The following FLT4 variants were observed in gnomAD, a reference collection of about 807,000 sequenced individuals.
The protein encoded by FLT4 is vascular endothelial growth factor receptor 3.
A neutral mutation model predicts 163.2 loss-of-function variants in FLT4; 30 were observed. The observed-to-expected ratio is 0.18, with a 90% CI of 0.14 to 0.25. FLT4 has a LOEUF of 0.25. Among genes scored for constraint, FLT4 ranks in the 10% least tolerant of loss-of-function variants. The pLI is 1.00. For missense variants in FLT4, 1,510 were observed against 1,863.8 expected, an observed-to-expected ratio of 0.81 and a Z score of 3.50; for synonymous variants, 884 against 789.5, an observed-to-expected ratio of 1.12 and a Z score of -2.01.
chr5:180,616,445 T>C lies in FLT4; in HGVS notation c.3141A>G (p.Glu1047=). 6.2e-7 allele frequency: 1 copy of C among 1,613,966 alleles called. No homozygotes were observed. The highest frequency in any genetic ancestry group is 8.5e-7 in the Non-Finnish European group (1 of 1,179,996). ...AGTCACAGATCTTCACCACGTCGCTTTCCGACAGCAGAATGTTCCGAGCAG... is the reference window on the plus strand; with the variant it reads ...AGTCACAGATCTTCACCACGTCGCTCTCCGACAGCAGAATGTTCCGAGCAG... The part of the protein sequence containing the change: ...DLAARNILLS[E]SDVVKICDFG... The change falls in exon 23 of 30, where the codon GAA becomes GAG. Residue 1047 remains glutamate, a synonymous_variant. Coordinates refer to ENST00000261937, the MANE Select transcript of FLT4 (RefSeq NM_182925.5).
intron 2 of FLT4, among the ~76,000 whole-genome samples, chr5:180,631,079 C>T (rs1390824862): frequency 6.6e-6 from 1 of 152,048 alleles, no homozygotes; most frequent in African/African-American, 2.4e-5. Flanking sequence ...GTGGGTGCTC[C>T]CAGGGTGGCT....
chr5:180,648,767 G>A (rs1211855454), intron 1 of FLT4, among the ~76,000 whole-genome samples: 1 of 152,188 alleles, frequency 6.6e-6, no homozygotes, highest in African/African-American at 2.4e-5. Flanking sequence ...TCCTGTGCAG[G>A]GGACCCTCCC....
In FLT4 at chr5:180,629,591, G is replaced by C. The variant is rs916722130; in HGVS notation, c.816+105C>G. On this transcript the variant is annotated intron_variant, in intron 6 of 29. Transcript: ENST00000261937. ...CTTGCCACTCAGACCGGGGCCCCTG[G>C]GGCAGGCCTGGGCCCACACATCCTC... is the stretch of plus-strand genomic sequence containing the variant. 59 of 1,479,486 alleles carry C rather than the reference G, an allele frequency of 4.0e-5. 1 individual carries two copies. Among genetic ancestry groups the C allele is most frequent in the Non-Finnish European group, 5.3e-5 (57 of 1,083,084 alleles). 91.6% of individuals were successfully genotyped at this position (1,479,486 alleles called of 1,614,324 possible).
At position 180,621,470 on chromosome 5, in the gene FLT4, C is replaced by G. The variant is rs377542666; in HGVS notation, c.2020+72G>C. Reference sequence around the variant, plus strand: ...GAATAGACCTCCCAGGGGCGAGCCACGCCGGGGCAAAGGCAGAGGCAGCTA... The same window carrying G: ...GAATAGACCTCCCAGGGGCGAGCCAGGCCGGGGCAAAGGCAGAGGCAGCTA... On this transcript the variant is annotated intron_variant, in intron 13 of 29. Coordinates refer to ENST00000261937, the MANE Select transcript of FLT4 (RefSeq NM_182925.5). The G allele has an allele frequency of 7.9e-4, 1,247 of 1,579,160 alleles. 19 individuals are homozygous for G. In the South Asian group the frequency reaches 0.014, roughly 17 times the overall value.
upstream of FLT4, chr5:180,649,641 GGGCGGGGGCCGGA>G: frequency 5.6e-6 from 3 of 535,394 alleles, no homozygotes; most frequent in Non-Finnish European, 7.6e-6. Flanking sequence ...GGGCGGGGCG[GGGCGGGGGCCGGA>G]GGCGGGCCCG....
chr5:180,631,611 C>G, intron 2 of FLT4, 71 bp downstream of exon 2: 27 of 1,268,570 alleles, frequency 2.1e-5, no homozygotes, highest in South Asian at 1.2e-4. Flanking sequence ...CCATCTGGGC[C>G]CACAGCCACC....
chr5:180,614,276 C>CGGTGGAT (rs1762454338), intron 23 of FLT4, 97 bp from the exon 24 acceptor site: 1 of 474,432 alleles, frequency 2.1e-6, no homozygotes, highest in Non-Finnish European at 3.8e-6. Flanking sequence ...GCGTGTCCTG[C>CGGTGGAT]GGTGGATGGG....
At chr5:180,631,821 TG>T (rs751140148) in intron 1 of FLT4, 43 bp from the exon 2 acceptor site, 1 of 1,375,490 alleles carries the variant, frequency 7.3e-7, no homozygotes, top group East Asian at 2.3e-5. Flanking sequence ...GGCTGTGACT[TG>T]GCACGACGTT....
At position 180,630,158 on chromosome 5, in the gene FLT4, ACAGGCGGCCGCCTTTCC is replaced by A; in HGVS notation, c.513+50_514-54del. On this transcript the variant is annotated intron_variant, in intron 4 of 29. Coordinates refer to ENST00000261937, the MANE Select transcript of FLT4 (RefSeq NM_182925.5). This position sits in a 1 kb window ranked among gnomAD's most constrained non-coding sequence, Gnocchi z 6.3. ...CCAGCTGCCCCTTGCTCCTGGCCAG[ACAGGCGGCCGCCTTTCC>A]CAGGGGTGGGATGGGAGGGTCGGAT... The A allele has an allele frequency of 6.6e-7, 1 of 1,526,310 alleles. No homozygotes were observed. The highest frequency in any genetic ancestry group is 8.9e-7 in the Non-Finnish European group (1 of 1,119,750). 94.5% of individuals were successfully genotyped at this position (1,526,310 alleles called of 1,614,324 possible).
intron 1 of FLT4, among the ~76,000 whole-genome samples, chr5:180,644,662 A>C (rs1765380377): frequency 6.6e-6 from 1 of 152,344 alleles, no homozygotes; most frequent in East Asian, 1.9e-4. Context: ...ACGAGGTTAA[A>C]ACCTGTACGT....
At chr5:180,649,645 G>A, upstream of FLT4, 1 of 458,402 alleles carries the variant, frequency 2.2e-6, no homozygotes, top group Non-Finnish European at 3.0e-6. Flanking sequence ...GGGGCGGGGC[G>A]GGGGCCGGAG....
At chr5:180,617,046 T>A (rs1358177745) in intron 21 of FLT4, 52 bp from the exon 22 acceptor site, 3 of 1,329,480 alleles carry the variant, frequency 2.3e-6, no homozygotes, top group South Asian at 1.2e-5. Flanking sequence ...GCGGCCTCCA[T>A]CTACCCAGCC....
chr5:180,647,527 C>T (rs1765544611), intron 1 of FLT4, among the ~76,000 whole-genome samples: 1 of 151,960 alleles, frequency 6.6e-6, no homozygotes, highest in Non-Finnish European at 1.5e-5. Context: ...GATGCTCAGG[C>T]TTCTGGCCTG....
rs963089368 is a variant in FLT4 at position 180,625,953 on chromosome 5, G to A, written c.1337C>T (p.Thr446Met). Residue 446 changes from threonine (T) to methionine (M), a missense_variant, in exon 10 of 30, where the codon ACG (threonine) becomes ATG (methionine). Thr to Met is a moderately conservative substitution (Grantham distance 81). Transcript: ENST00000261937. ...SRHSRQALTCTAYGVPLPLSI... is the reference protein window; with the variant it reads ...SRHSRQALTCMAYGVPLPLSI... ...GAGAGGCAGGGGCACCCCGTAGGCC[G>A]TGCAGGTGAGGGCCTGGCGGCTGTG... 1.1e-5 allele frequency: 17 copies of A among 1,612,642 alleles called. No homozygotes were observed. Among genetic ancestry groups the A allele is most frequent in the Non-Finnish European group, 1.4e-5 (16 of 1,179,950 alleles).
rs1363156880 is a variant in FLT4, at chr5:180,612,518, G to T, written c.3525C>A (p.Gly1175=). ...GGAAGGGGCTCACTTGCAGGCCCCT[G>T]CCCTGGAGCAGGTCCCCCAGGATCT... The part of the protein sequence containing the change: ...LVEILGDLLQ[G]RGLQEEEEVC... The change falls in exon 26 of 30, where the codon GGC becomes GGA. Residue 1175 remains glycine, a synonymous_variant. Coordinates refer to ENST00000261937, the MANE Select transcript of FLT4 (RefSeq NM_182925.5). The T allele has an allele frequency of 1.9e-6, 3 of 1,612,296 alleles. No homozygotes were observed. In the East Asian group the frequency reaches 6.7e-5, roughly 36 times the overall value.
chr5:180,624,959 C>T (rs1763484020), intron 10 of FLT4, among the ~76,000 whole-genome samples: 1 of 152,218 alleles, frequency 6.6e-6, no homozygotes, highest in Non-Finnish European at 1.5e-5. Flanking sequence ...GAAGGAAGGA[C>T]ATTTGGAGGT....
In FLT4 at chr5:180,602,776, C is replaced by A; in HGVS notation, c.*416G>T. 1 of 480,528 alleles carries A rather than the reference C, an allele frequency of 2.1e-6. No individual in the cohort carries two copies. Among genetic ancestry groups the A allele is most frequent in the Non-Finnish European group, 3.6e-6 (1 of 274,108 alleles). The allele number at this position is 480,528 out of a possible 1,614,324, so 29.8% of individuals were successfully genotyped here. ...GGAAAGGGCGTTTGGGAGACCTCTG[C>A]TCTCGTATGCCTTAACCTCCAACAC... On this transcript the variant is annotated 3_prime_UTR_variant, in exon 30 of 30. Transcript: ENST00000261937.
In FLT4 at chr5:180,601,865, T is replaced by C. The variant is rs1422227104; in HGVS notation, c.*1327A>G. The stretch of plus-strand genomic sequence containing the variant: ...GGGGAGGGTCGGCCGGGCAAGCCCC[T>C]GCCCGCTGCGCGGCGCCTGTCCTGC... On this transcript the variant is annotated 3_prime_UTR_variant, in exon 30 of 30. Transcript: ENST00000261937. 4.3e-6 allele frequency: 1 copy of C among 233,534 alleles called. No homozygotes were observed. The highest frequency in any genetic ancestry group is 5.6e-5 in the Admixed American group (1 of 17,804). The allele number at this position is 233,534 out of a possible 1,614,324, so 14.5% of individuals were successfully genotyped here.
chr5:180,640,901 G>A (rs533273669), intron 1 of FLT4, among the ~76,000 whole-genome samples: 8 of 152,324 alleles, frequency 5.3e-5, no homozygotes, highest in African/African-American at 1.2e-4. Context: ...GTGGGTGAGC[G>A]CTGGCCTTAG....
Sources: gnomAD v4.1 joint callset for allele counts (sites outside exome capture counted in the v4.1 genomes callset) on GRCh38, gnomAD v4.1.1 for gene constraint, Gnocchi (gnomAD v3.1) non-coding constraint, MANE v1.5 for transcripts, NCBI Gene and HGNC (gene_info 2026-07-23, HGNC 2026-07-21) for gene names.